Variants in TEAD1 observed in about 807,000 individuals in gnomAD.
TEAD1 encodes TEA domain transcription factor 1.
In TEAD1, 9 loss-of-function variants were observed where a neutral mutation model predicts 54.9. That is an observed-to-expected ratio of 0.16 (90% confidence interval 0.10 to 0.29). The LOEUF is 0.29. TEAD1 is among the 10% of genes least tolerant of loss of function. TEAD1 has a pLI of 1.00. For missense variants in TEAD1, 387 were observed against 535.9 expected (o/e 0.72, Z 2.74); for synonymous variants, 200 against 187.8 (o/e 1.07, Z -0.53).
At chr11:12,896,203 C>T (rs7924536) in intron 9 of TEAD1, among the ~76,000 whole-genome samples, 138,747 of 152,224 alleles carry the variant, frequency 0.91, 63,927 homozygotes, top group Non-Finnish European at 0.98. Flanking sequence ...CACCAATTCA[C>T]CCTCAAAGTT....
intron 3 of TEAD1, among the ~76,000 whole-genome samples, chr11:12,771,067 A>G (rs1228353911): frequency 2.0e-5 from 3 of 152,240 alleles, no homozygotes. Context: ...TCTGGAGCAC[A>G]GGTTCAGACT....
At chr11:12,877,414 A>T (rs892827650) in intron 5 of TEAD1, among the ~76,000 whole-genome samples, 4 of 152,232 alleles carry the variant, frequency 2.6e-5, no homozygotes, top group Admixed American at 2.6e-4. Context: ...GCACTTTGGG[A>T]GGCCAAGGCG....
intron 3 of TEAD1, among the ~76,000 whole-genome samples, chr11:12,833,573 C>G (rs1199443054): frequency 6.6e-6 from 1 of 152,054 alleles, no homozygotes; most frequent in Non-Finnish European, 1.5e-5. Flanking sequence ...TTACCTCCTG[C>G]TTGCTGAGAG....
chr11:12,906,378 A>G (rs1265712504), intron 10 of TEAD1, among the ~76,000 whole-genome samples: 1 of 151,830 alleles, frequency 6.6e-6, no homozygotes, highest in Non-Finnish European at 1.5e-5. Context: ...CATCCCTACT[A>G]AAAATACAAA....
intron 3 of TEAD1, among the ~76,000 whole-genome samples, chr11:12,803,404 T>A (rs954073617): frequency 2.0e-5 from 3 of 152,242 alleles, no homozygotes; most frequent in Middle Eastern, 3.2e-3. Flanking sequence ...GGCTTCTCTT[T>A]CTTGGTTTAA....
At chr11:12,782,072 C>T (rs1440358837) in intron 3 of TEAD1, among the ~76,000 whole-genome samples, 1 of 151,900 alleles carries the variant, frequency 6.6e-6, no homozygotes, top group East Asian at 1.9e-4. Flanking sequence ...ATCACCTGAG[C>T]CTGGGAGGTG....
intron 2 of TEAD1, among the ~76,000 whole-genome samples, chr11:12,739,260 T>C (rs1269508429): frequency 6.6e-6 from 1 of 152,152 alleles, no homozygotes; most frequent in Non-Finnish European, 1.5e-5. Context: ...TCTATCTCTG[T>C]CATCTATCTA....
intron 2 of TEAD1, among the ~76,000 whole-genome samples, chr11:12,734,408 A>G (rs1294764218): frequency 6.6e-6 from 1 of 152,228 alleles, no homozygotes; most frequent in African/African-American, 2.4e-5. Context: ...AGGTTATTTT[A>G]TAATTGAAAA....
intron 2 of TEAD1, among the ~76,000 whole-genome samples, chr11:12,682,204 C>T (rs1943237220): frequency 6.6e-6 from 1 of 152,210 alleles, no homozygotes; most frequent in Non-Finnish European, 1.5e-5. Context: ...AGGCAGTGTA[C>T]CTAGGAACAT....
intron 3 of TEAD1, among the ~76,000 whole-genome samples, chr11:12,792,355 TAAAA>T (rs10630085): frequency 6.1e-5 from 6 of 98,658 alleles, no homozygotes; most frequent in South Asian, 3.5e-4. Context: ...GGGAAAATAG[TAAAA>T]AAAAAAAAAA....
intron 2 of TEAD1, among the ~76,000 whole-genome samples, chr11:12,694,202 C>T (rs867301819): frequency 6.6e-6 from 1 of 152,030 alleles, no homozygotes; most frequent in African/African-American, 2.4e-5. Flanking sequence ...ACATGCAAGC[C>T]GACACTAGGC....
At chr11:12,757,637 T>C (rs750762490) in intron 2 of TEAD1, among the ~76,000 whole-genome samples, 2 of 152,182 alleles carry the variant, frequency 1.3e-5, no homozygotes, top group Admixed American at 1.3e-4. Context: ...TTACTACTCA[T>C]TGGAACCTTG....
chr11:12,809,394 A>T (rs979864428), intron 3 of TEAD1, among the ~76,000 whole-genome samples: 2 of 152,186 alleles, frequency 1.3e-5, no homozygotes, highest in Admixed American at 1.3e-4. Context: ...ATTGACAGGG[A>T]GCATGTTAAG....
chr11:12,913,714 G>T (rs565167702), intron 10 of TEAD1, among the ~76,000 whole-genome samples: 2 of 152,140 alleles, frequency 1.3e-5, no homozygotes, highest in Non-Finnish European at 2.9e-5. Flanking sequence ...ACAGTATTTG[G>T]TATATATGTT....
At chr11:12,908,855 CTA>C (rs919213738) in intron 10 of TEAD1, among the ~76,000 whole-genome samples, 1 of 147,218 alleles carries the variant, frequency 6.8e-6, no homozygotes, top group African/African-American at 2.5e-5. Context: ...ATCATGTTAG[CTA>C]TATGTCAGTA....
rs1304774488 is a variant in TEAD1, at chr11:12,941,828, T to C, written c.*4606T>C. 6.6e-6 allele frequency: 1 copy of C among 152,580 alleles called. No homozygotes were observed. Among genetic ancestry groups the C allele is most frequent in the East Asian group, 1.9e-4 (1 of 5,192 alleles). The allele number at this position is 152,580 out of a possible 1,614,324, so 9.5% of individuals were successfully genotyped here. A position where few individuals can be genotyped will look rare whatever the true frequency, so the allele number is the denominator to read the frequency against. ...AAGCATTTCTCTTACTACTGTTACT[T>C]TTGTAGGAAGTTTTCAATTCAGAGC... On this transcript the variant is annotated 3_prime_UTR_variant, in exon 13 of 13. Transcript: ENST00000527636.
At chr11:12,706,183 C>T (rs1943810684) in intron 2 of TEAD1, among the ~76,000 whole-genome samples, 1 of 152,216 alleles carries the variant, frequency 6.6e-6, no homozygotes, top group African/African-American at 2.4e-5. Context: ...GAGCTGACCT[C>T]ACTGAACATT....
At chr11:12,725,759 A>G (rs752299020) in intron 2 of TEAD1, among the ~76,000 whole-genome samples, 27 of 152,240 alleles carry the variant, frequency 1.8e-4, no homozygotes, top group Non-Finnish European at 3.4e-4. Context: ...TTGTGGTCTA[A>G]GAAGTTTTCC....
At chr11:12,693,922 TTGG>T (rs1442847677) in intron 2 of TEAD1, among the ~76,000 whole-genome samples, 9 of 152,134 alleles carry the variant, frequency 5.9e-5, no homozygotes. Context: ...TATAGCCGCG[TTGG>T]TGGTTAGGTT....
Sources: allele counts gnomAD v4.1 joint callset (sites outside exome capture counted in the v4.1 genomes callset), GRCh38; gene constraint gnomAD v4.1.1; transcripts MANE v1.5; gene names NCBI Gene and HGNC (gene_info 2026-07-23, HGNC 2026-07-21).